SP140: variants seen among roughly 807,000 people sequenced by gnomAD.
SP140 encodes the protein SP140 nuclear body protein.
A neutral mutation model predicts 125.0 loss-of-function variants in SP140; 81 were observed. The observed-to-expected ratio is 0.65, with a 90% CI of 0.54 to 0.78. The LOEUF (loss-of-function observed/expected upper bound fraction) is 0.78, where lower values mean the gene tolerates loss of function less well. Among genes scored for constraint, SP140 ranks in the 30% least tolerant of loss-of-function variants. The probability of loss-of-function intolerance (pLI) is 0.00; values close to 1 mark genes in which losing one functional copy is unlikely to be tolerated. For missense variants in SP140, 858 were observed against 1,037.0 expected, an observed-to-expected ratio of 0.83 and a Z score of 2.37; for synonymous variants, 312 against 354.0, an observed-to-expected ratio of 0.88 and a Z score of 1.33.
At chr2:230,210,710 T>C (rs1343426658) in intron 1 of SP140, among the ~76,000 whole-genome samples, 4 of 152,222 alleles carry the variant, frequency 2.6e-5, no homozygotes, top group Non-Finnish European at 5.9e-5. Context: ...AAATAAAGGC[T>C]CATCTCACAT....
chr2:230,235,879 T>G (rs1407206172), intron 1 of SP140, among the ~76,000 whole-genome samples: 6 of 141,544 alleles, frequency 4.2e-5, no homozygotes, highest in South Asian at 4.8e-4. Context: ...TTTTTTTTTT[T>G]TTTTTTTTTT....
intron 3 of SP140, chr2:230,217,012 G>A (rs934457713): frequency 3.4e-5 from 37 of 1,089,882 alleles, no homozygotes; most frequent in African/African-American, 6.2e-5. Flanking sequence ...TTGGGAGGCC[G>A]AGGTGGGTGG....
chr2:230,303,310 G>A (rs528785250), intron 22 of SP140, among the ~76,000 whole-genome samples: 39 of 152,186 alleles, frequency 2.6e-4, no homozygotes, highest in African/African-American at 9.4e-4. Flanking sequence ...AAACCTAGAG[G>A]GGATGGATAA....
At chr2:230,306,973 A>G (rs2058821971) in intron 22 of SP140, among the ~76,000 whole-genome samples, 1 of 152,222 alleles carries the variant, frequency 6.6e-6, no homozygotes, top group South Asian at 2.1e-4. Flanking sequence ...ATGCCTTTCA[A>G]AGGCCTGCTC....
chr2:230,225,544 A>G (rs1559198706), upstream of SP140: 3 of 461,242 alleles, frequency 6.5e-6, no homozygotes, highest in Admixed American at 3.4e-5. Context: ...CCTCAAAACA[A>G]CTTTGATCTG....
upstream of SP140, chr2:230,202,825 C>T: frequency 8.9e-7 from 1 of 1,128,946 alleles, no homozygotes; most frequent in Non-Finnish European, 1.4e-6. Context: ...GCCCCTAACT[C>T]CCACTCTTTC....
At chr2:230,219,901 C>T in intron 3 of SP140, 3 of 985,374 alleles carry the variant, frequency 3.0e-6, no homozygotes, top group Non-Finnish European at 3.6e-6. Flanking sequence ...CGTTCCTGCC[C>T]CTTTCCAGGG....
At chr2:230,285,682 CGTTT>C in intron 16 of SP140, 66 bp from the exon 17 acceptor site, 1 of 1,289,312 alleles carries the variant, frequency 7.8e-7, no homozygotes, top group Non-Finnish European at 1.1e-6. Context: ...CCCTCACTTG[CGTTT>C]GTTCCTGCCT....
Position 230,237,317 on chromosome 2 carries a change from T to A in SP140, c.237+57T>A, listed in dbSNP as rs2048140580. On this transcript the variant is annotated intron_variant, in intron 2 of 26. Coordinates refer to ENST00000392045, the MANE Select transcript of SP140 (RefSeq NM_007237.5). The surrounding 1 kb of genome is among the most constrained non-coding windows in gnomAD (Gnocchi z 5.4). ...AGGTCCATACTCAATTATGCCAAAC[T>A]TCAAGATGCAATGAGCAGGCTAAAG... 1 of 1,527,468 alleles carries A rather than the reference T, an allele frequency of 6.5e-7. No homozygotes were observed. Among genetic ancestry groups the A allele is most frequent in the African/African-American group, 1.4e-5 (1 of 72,002 alleles). 94.6% of individuals were successfully genotyped at this position (1,527,468 alleles called of 1,614,324 possible).
chr2:230,221,711 C>A (rs1348316622), upstream of SP140: 5 of 1,535,908 alleles, frequency 3.3e-6, no homozygotes, highest in South Asian at 2.4e-5. Context: ...TTACCTGAAG[C>A]CCCTCCCCAT....
At chr2:230,203,626 G>T (rs1227955792) in intron 1 of SP140, 2 of 151,920 alleles carry the variant, frequency 1.3e-5, no homozygotes, top group Non-Finnish European at 1.5e-5. Context: ...CAAGTTTAGG[G>T]TTTTTTTTCT....
intron 4 of SP140, 146 bp from the exon 5 acceptor site, chr2:230,243,585 G>A (rs1470281564): frequency 1.6e-6 from 1 of 618,554 alleles, no homozygotes; most frequent in Non-Finnish European, 2.9e-6. Flanking sequence ...GTTACTGAAG[G>A]ACTGAATCCT....
At chr2:230,238,123 A>T in intron 2 of SP140, 90 bp from the exon 3 acceptor site, 1 of 881,186 alleles carries the variant, frequency 1.1e-6, no homozygotes, top group Non-Finnish European at 1.7e-6. Flanking sequence ...CTAACATTTC[A>T]CAAGAGAACA....
chr2:230,216,255 G>A lies in SP140; in HGVS notation c.-91+2181G>A, dbSNP rs187408833. ...ATTTGGAAAAAGTGTCTTTGCAGTT[G>A]TAATTAAGTTAAGGATCTTGAGATA... is the stretch of plus-strand genomic sequence containing the variant. On this transcript the variant is annotated intron_variant, in intron 3 of 4. Transcript: ENST00000456542. Among the ~76,000 whole-genome samples, 5 of 152,306 alleles carry A rather than the reference G, an allele frequency of 3.3e-5. No homozygotes were observed. In the East Asian group the frequency reaches 9.6e-4, roughly 29 times the overall value.
chr2:230,244,248 T>C (rs1381143746), intron 5 of SP140, among the ~76,000 whole-genome samples: 1 of 152,248 alleles, frequency 6.6e-6, no homozygotes, highest in Non-Finnish European at 1.5e-5. Flanking sequence ...GCAAACAAGA[T>C]GTCATTTTAT....
At chr2:230,297,652 C>T (rs1427886819) in intron 22 of SP140, among the ~76,000 whole-genome samples, 190 bp downstream of exon 22, 2 of 152,164 alleles carry the variant, frequency 1.3e-5, no homozygotes, top group Non-Finnish European at 2.9e-5. Context: ...TATGAAAGCA[C>T]CCTTTCCATC....
chr2:230,263,811 G>C (rs1411051666), intron 12 of SP140, among the ~76,000 whole-genome samples: 2 of 152,194 alleles, frequency 1.3e-5, no homozygotes, highest in South Asian at 4.1e-4. Context: ...AGTCCCTCCT[G>C]TCTTATATGG....
At chr2:230,245,511 AC>A (rs2049305201) in intron 6 of SP140, among the ~76,000 whole-genome samples, 1 of 152,210 alleles carries the variant, frequency 6.6e-6, no homozygotes, top group Non-Finnish European at 1.5e-5. Context: ...TAGGGATATA[AC>A]GGGGCAAAGA....
At chr2:230,219,786 C>G in intron 3 of SP140, 1 of 331,080 alleles carries the variant, frequency 3.0e-6, no homozygotes, top group Non-Finnish European at 4.3e-6. Context: ...AATAGTTGAA[C>G]TCCACCCTGC....
Sources: gnomAD v4.1 joint callset for allele counts (sites outside exome capture counted in the v4.1 genomes callset) on GRCh38, gnomAD v4.1.1 for gene constraint, Gnocchi (gnomAD v3.1) non-coding constraint, MANE v1.5 for transcripts, NCBI Gene and HGNC (gene_info 2026-07-23, HGNC 2026-07-21) for gene names.